Variants in MYOCD observed in about 807,000 individuals in gnomAD.
MYOCD encodes the protein myocardin.
MYOCD carries 32 observed loss-of-function variants against 96.1 expected under a neutral mutation model. The ratio of observed to expected loss-of-function variants is 0.33; its 90% confidence interval spans 0.25 to 0.45. The LOEUF (loss-of-function observed/expected upper bound fraction) is 0.45. MYOCD is among the 20% of genes least tolerant of loss of function. The pLI is 1.00. For synonymous variants in MYOCD, 469 were observed against 469.0 expected (o/e 1.00, Z 0.00); for missense variants, 1,133 against 1,200.6 (o/e 0.94, Z 0.83).
rs1435542452 is a variant in MYOCD, at chr17:12,700,558, C to T, written c.56-4570C>T. Among the ~76,000 whole-genome samples, 5 of 151,512 alleles carry T rather than the reference C, an allele frequency of 3.3e-5. No homozygotes were observed. In the East Asian group the frequency reaches 9.7e-4, roughly 29 times the overall value. ...CCTCCCGAGTAGCTGGGACTACAGG[C>T]ACCCCCCACCACACCCAGCTAATTT... On this transcript the variant is annotated intron_variant, in intron 1 of 13. Transcript: ENST00000425538.
chr17:12,682,673 A>G (rs2030303), intron 1 of MYOCD, among the ~76,000 whole-genome samples: 17,332 of 152,188 alleles, frequency 0.11, 1,797 homozygotes, highest in African/African-American at 0.28. Context: ...TAGCCATCCA[A>G]GCTGCTGTTC....
intron 4 of MYOCD, 57 bp from the exon 5 acceptor site, chr17:12,722,790 A>G: frequency 6.9e-7 from 1 of 1,451,512 alleles, no homozygotes; most frequent in South Asian, 1.3e-5. Flanking sequence ...AAAACAAAAA[A>G]GAGAGAGACA....
intron 9 of MYOCD, among the ~76,000 whole-genome samples, chr17:12,751,114 G>T (rs2032841071): frequency 6.6e-6 from 1 of 151,874 alleles, no homozygotes; most frequent in South Asian, 2.1e-4. Flanking sequence ...ATAGTCTTCT[G>T]TTTTATGAAA....
chr17:12,693,376 G>A (rs759647496), intron 1 of MYOCD, among the ~76,000 whole-genome samples: 1 of 151,940 alleles, frequency 6.6e-6, no homozygotes, highest in Non-Finnish European at 1.5e-5. Flanking sequence ...TTGGGAGGCC[G>A]AGGTGGGCGG....
At chr17:12,754,431 A>G (rs774140851) in intron 10 of MYOCD, among the ~76,000 whole-genome samples, 2 of 152,214 alleles carry the variant, frequency 1.3e-5, no homozygotes, top group Non-Finnish European at 2.9e-5. Flanking sequence ...TAGAAGAGCC[A>G]GGGACGTTTA....
intron 5 of MYOCD, 92 bp downstream of exon 5, chr17:12,723,100 G>A: frequency 8.0e-7 from 1 of 1,254,540 alleles, no homozygotes; most frequent in Non-Finnish European, 1.1e-6. Context: ...TGGGGATGAG[G>A]GCCTCTCACC....
At chr17:12,697,364 T>A (rs1470655989) in intron 1 of MYOCD, among the ~76,000 whole-genome samples, 2,620 of 87,170 alleles carry the variant, frequency 0.03, 6 homozygotes, top group South Asian at 0.055. Context: ...TATATATTTT[T>A]TTTTTTTTTT....
rs1171408477 is a variant in MYOCD, at chr17:12,758,122, A to G, written c.2240A>G (p.Lys747Arg). ...GLHSSDKVGP[K>R]FSIPSPTFSK... ...CACTCTTCTGATAAGGTGGGGCCAA[A>G]GTTTTCAATTCCATCCCCAACTTTT... Residue 747 changes from lysine (K) to arginine (R), a missense_variant, in exon 12 of 14, where the codon AAG becomes AGG. Lys to Arg is a conservative substitution (Grantham distance 26). Coordinates refer to ENST00000425538, the MANE Select transcript of MYOCD (RefSeq NM_001146312.3). 6.2e-7 allele frequency: 1 copy of G among 1,614,044 alleles called. No individual in the cohort carries two copies. The highest frequency in any genetic ancestry group is 1.3e-5 in the African/African-American group (1 of 74,916).
intron 5 of MYOCD, among the ~76,000 whole-genome samples, chr17:12,726,885 GT>G (rs1044527610): frequency 2.0e-5 from 3 of 152,122 alleles, no homozygotes. Context: ...AGTTCTTTGA[GT>G]TTTTTTCAAT....
intron 4 of MYOCD, among the ~76,000 whole-genome samples, chr17:12,718,277 G>A (rs1205595873): frequency 1.3e-5 from 2 of 152,168 alleles, no homozygotes; most frequent in Non-Finnish European, 2.9e-5. Flanking sequence ...AATGCCTGGT[G>A]TGGTGGGTGT....
At chr17:12,737,216 C>T (rs550694175) in intron 6 of MYOCD, among the ~76,000 whole-genome samples, 1 of 152,160 alleles carries the variant, frequency 6.6e-6, no homozygotes, top group Admixed American at 6.5e-5. Context: ...GATCATGCCA[C>T]TGCACTCCAG....
chr17:12,718,218 A>G (rs7209703), intron 4 of MYOCD, among the ~76,000 whole-genome samples: 6,963 of 152,298 alleles, frequency 0.046, 498 homozygotes, highest in African/African-American at 0.16. Context: ...CTCACAGTAT[A>G]ACAGAGGACA....
chr17:12,684,989 G>C (rs74448135), intron 1 of MYOCD, among the ~76,000 whole-genome samples: 4,240 of 151,516 alleles, frequency 0.028, 157 homozygotes, highest in East Asian at 0.088. Context: ...ATGTTTATTT[G>C]AGATTTAAGA....
chr17:12,673,985 ATTTAGGGACCACGTGT>A (rs1332693622), intron 1 of MYOCD, among the ~76,000 whole-genome samples: 3 of 152,088 alleles, frequency 2.0e-5, no homozygotes. Flanking sequence ...GTGGTCTGCT[ATTTAGGGACCACGTGT>A]TACCAAATAT....
intron 9 of MYOCD, among the ~76,000 whole-genome samples, chr17:12,747,054 A>G (rs2032687496): frequency 6.6e-6 from 1 of 150,884 alleles, no homozygotes; most frequent in African/African-American, 2.4e-5. Flanking sequence ...TTTTTTAAAT[A>G]TAAACCATCT....
Position 12,720,287 on chromosome 17 carries a change from A to G in MYOCD, c.254-2560A>G, listed in dbSNP as rs569514805. 2.6e-5 allele frequency: 4 copies of G among 152,296 alleles called. No homozygotes were observed. In the East Asian group the frequency reaches 7.7e-4, roughly 29 times the overall value. 9.4% of individuals were successfully genotyped at this position (152,296 alleles called of 1,614,324 possible). ...AATCACCGCCTCCTCAAGCCTCTGTACAAAATCGATTGCTCTCTGCCACAA... is the reference window on the plus strand; with the variant it reads ...AATCACCGCCTCCTCAAGCCTCTGTGCAAAATCGATTGCTCTCTGCCACAA... On this transcript the variant is annotated intron_variant, in intron 4 of 13. Coordinates refer to ENST00000425538, the MANE Select transcript of MYOCD (RefSeq NM_001146312.3).
Position 12,768,895 on chromosome 17 carries a change from A to C in MYOCD, c.*5251A>C, listed in dbSNP as rs8076338. The C allele has an allele frequency of 7.4e-6, 1 of 134,642 alleles. No homozygotes were observed. The highest frequency in any genetic ancestry group is 1.5e-5 in the Non-Finnish European group (1 of 65,140). 8.3% of individuals were successfully genotyped at this position (134,642 alleles called of 1,614,324 possible). A position where few individuals can be genotyped will look rare whatever the true frequency, so the allele number is the denominator to read the frequency against. On this transcript the variant is annotated 3_prime_UTR_variant, in exon 14 of 14. Transcript: ENST00000425538. ...CCAAAGTTGGCATGTGTTCTTTTTT[A>C]AAAAAAAAAAAAAATGCATATATTT...
intron 12 of MYOCD, chr17:12,760,111 CAAAT>C (rs369025083): frequency 6.5e-6 from 1 of 154,992 alleles, no homozygotes; most frequent in African/African-American, 2.4e-5. Flanking sequence ...TGTTCATTGA[CAAAT>C]GAATGGATAA....
chr17:12,763,756 G>T lies in MYOCD; in HGVS notation c.*112G>T. 1 of 992,662 alleles carries T rather than the reference G, an allele frequency of 1.0e-6. No homozygotes were observed. The highest frequency in any genetic ancestry group is 2.6e-5 in the East Asian group (1 of 37,818). 61.5% of individuals were successfully genotyped at this position (992,662 alleles called of 1,614,324 possible). ...AGAAGAAGAAGAAGAGAATTAAAAA[G>T]AAGCAATGATTTCTGTGCCAATGAA... On this transcript the variant is annotated 3_prime_UTR_variant, in exon 14 of 14. Coordinates refer to ENST00000425538, the MANE Select transcript of MYOCD (RefSeq NM_001146312.3).
Sources: gnomAD v4.1 joint callset for allele counts (sites outside exome capture counted in the v4.1 genomes callset) on GRCh38, gnomAD v4.1.1 for gene constraint, MANE v1.5 for transcripts, NCBI Gene and HGNC (gene_info 2026-07-23, HGNC 2026-07-21) for gene names.